The following PPP1R12B variants were observed in gnomAD, a reference collection of about 807,000 sequenced individuals.
The protein encoded by PPP1R12B is protein phosphatase 1 regulatory subunit 12B.
A neutral mutation model predicts 126.1 loss-of-function variants in PPP1R12B; 76 were observed. The ratio of observed to expected loss-of-function variants is 0.60; its 90% CI spans 0.50 to 0.73. PPP1R12B has a LOEUF of 0.73. Among genes scored for constraint, PPP1R12B ranks in the 30% least tolerant of loss-of-function variants. The probability of loss-of-function intolerance (pLI) is 0.00; values close to 1 mark genes in which losing one functional copy is unlikely to be tolerated. For synonymous variants in PPP1R12B, 356 were observed against 434.7 expected, an observed-to-expected ratio of 0.82 and a Z score of 2.25; for missense variants, 1,052 against 1,205.1, an observed-to-expected ratio of 0.87 and a Z score of 1.88.
At chr1:202,414,384 A>G (rs1459729686) in intron 1 of PPP1R12B, among the ~76,000 whole-genome samples, 1 of 152,254 alleles carries the variant, frequency 6.6e-6, no homozygotes, top group Non-Finnish European at 1.5e-5. Context: ...CTTTTACTTC[A>G]TGTGTGATTT....
At chr1:202,554,433 C>G (rs1686669445) in intron 18 of PPP1R12B, among the ~76,000 whole-genome samples, 1 of 152,086 alleles carries the variant, frequency 6.6e-6, no homozygotes, top group African/African-American at 2.4e-5. Context: ...GCATCCAAAG[C>G]TCACTAATCT....
chr1:202,370,889 T>C (rs1660111163), intron 1 of PPP1R12B, among the ~76,000 whole-genome samples: 1 of 152,182 alleles, frequency 6.6e-6, no homozygotes, highest in Non-Finnish European at 1.5e-5. Context: ...CTGATGTGGT[T>C]GTACCATTTT....
At chr1:202,553,961 G>A (rs761424310) in intron 18 of PPP1R12B, among the ~76,000 whole-genome samples, 7 of 152,226 alleles carry the variant, frequency 4.6e-5, no homozygotes, top group Non-Finnish European at 8.8e-5. Context: ...GAATGAAGTC[G>A]TGTTAGTCTA....
intron 1 of PPP1R12B, among the ~76,000 whole-genome samples, chr1:202,377,537 A>C (rs1481789371): frequency 1.3e-5 from 2 of 151,476 alleles, no homozygotes; most frequent in Admixed American, 6.6e-5. Flanking sequence ...ATCTCCCGAC[A>C]CCATGATCCG....
chr1:202,442,268 G>A (rs1053018302), intron 11 of PPP1R12B, among the ~76,000 whole-genome samples, 179 bp from the exon 12 acceptor site: 1 of 152,222 alleles, frequency 6.6e-6, no homozygotes, highest in Non-Finnish European at 1.5e-5. Flanking sequence ...ATAAAAGAAA[G>A]CAGGCAGTAA....
rs371337202 is a variant in PPP1R12B at position 202,349,096 on chromosome 1, C to T, written c.245C>T (p.Ala82Val). 2 of 1,614,120 alleles carry T rather than the reference C, an allele frequency of 1.2e-6. No homozygotes were observed. The highest frequency in any genetic ancestry group is 1.7e-6 in the Non-Finnish European group (2 of 1,180,044). Residue 82 changes from alanine (A) to valine (V), a missense_variant, in exon 1 of 24, where the codon GCT (alanine) becomes GTT (valine). Ala to Val is a moderately conservative substitution (Grantham distance 64). Coordinates refer to ENST00000608999, the MANE Select transcript of PPP1R12B (RefSeq NM_002481.4). The part of the protein sequence containing the change: ...DEVRKLLARG[A>V]DINTVNVDGL... ...GTGAGAAAGCTTCTGGCAAGAGGTG[C>T]TGATATCAACACGGTCAACGTGGAC...
chr1:202,425,496 A>C, intron 3 of PPP1R12B, 70 bp from the exon 4 acceptor site: 1 of 1,504,546 alleles, frequency 6.6e-7, no homozygotes, highest in Admixed American at 1.8e-5. Context: ...GCTTTAATCT[A>C]AGGAAAATAT....
intron 5 of PPP1R12B, among the ~76,000 whole-genome samples, chr1:202,427,667 C>T (rs1669708741): frequency 6.6e-6 from 1 of 152,140 alleles, no homozygotes; most frequent in African/African-American, 2.4e-5. Context: ...ATTTTTGAGA[C>T]AGAGTCTCGC....
At chr1:202,487,504 A>G (rs1033549207) in intron 13 of PPP1R12B, among the ~76,000 whole-genome samples, 2 of 152,244 alleles carry the variant, frequency 1.3e-5, no homozygotes, top group Non-Finnish European at 2.9e-5. Flanking sequence ...AGGATAGGAA[A>G]GAAGAAATAA....
rs563079889 is a variant in PPP1R12B, at chr1:202,349,114, A to C, written c.263A>C (p.Asn88Thr). 18 of 1,614,074 alleles carry C rather than the reference A, an allele frequency of 1.1e-5. No homozygotes were observed. The East Asian group carries it at 3.8e-4, about 34-fold the overall frequency. The change falls in exon 1 of 24, where the codon AAC (asparagine) becomes ACC (threonine). Residue 88 changes from asparagine to threonine, a missense_variant. Coordinates refer to ENST00000608999, the MANE Select transcript of PPP1R12B (RefSeq NM_002481.4). ...AGAGGTGCTGATATCAACACGGTCA[A>C]CGTGGACGGCTTGACAGCCCTGCAC... is the stretch of plus-strand genomic sequence containing the variant. ...LARGADINTVNVDGLTALHQA... is the reference protein window; with the variant it reads ...LARGADINTVTVDGLTALHQA...
intron 2 of PPP1R12B, among the ~76,000 whole-genome samples, chr1:202,417,783 A>G (rs2148621027): frequency 6.6e-6 from 1 of 152,328 alleles, no homozygotes; most frequent in South Asian, 2.1e-4. Flanking sequence ...TTAGAGCTCC[A>G]TTACATTTCT....
intron 7 of PPP1R12B, 41 bp from the exon 8 acceptor site, chr1:202,431,439 A>G (rs544446235): frequency 1.3e-6 from 2 of 1,526,466 alleles, no homozygotes; most frequent in South Asian, 1.3e-5. Flanking sequence ...ATACCTGATT[A>G]TCATTTCTGA....
In PPP1R12B at chr1:202,569,173, G is replaced by A. The variant is rs1406405646; in HGVS notation, c.2838G>A (p.Met946Ile). The stretch of plus-strand genomic sequence containing the variant: ...AGAGGCGAGCCTTGGAGCGCAAAAT[G>A]TCAGAAATGGAGGAAGAAATGAAGG... ...KRERRALERKMSEMEEEMKVL... is the reference protein window; with the variant it reads ...KRERRALERKISEMEEEMKVL... The change falls in exon 23 of 24, where the codon ATG (methionine) becomes ATA (isoleucine). Residue 946 changes from methionine to isoleucine, a missense_variant. Transcript: ENST00000608999. 4.3e-6 allele frequency: 7 copies of A among 1,613,656 alleles called. No individual in the cohort carries two copies. The South Asian group carries it at 5.5e-5, about 13-fold the overall frequency.
intron 13 of PPP1R12B, among the ~76,000 whole-genome samples, chr1:202,475,258 A>C (rs705737): frequency 1 from 152,189 of 152,324 alleles, 76,027 homozygotes; most frequent in Middle Eastern, 1. Flanking sequence ...GTAGAGTCAA[A>C]TGCATCCTCC....
At chr1:202,446,182 CAT>C (rs1184690928) in intron 12 of PPP1R12B, among the ~76,000 whole-genome samples, 4 of 145,174 alleles carry the variant, frequency 2.8e-5, no homozygotes, top group Non-Finnish European at 6.0e-5. Flanking sequence ...AAGAAACAAA[CAT>C]AGAGAGGTTA....
chr1:202,510,297 C>G (rs1681296101), intron 18 of PPP1R12B, among the ~76,000 whole-genome samples: 1 of 152,144 alleles, frequency 6.6e-6, no homozygotes, highest in Admixed American at 6.6e-5. Context: ...TCCTTCAAAC[C>G]TGTCAGTAGC....
chr1:202,487,344 C>A (rs1467591143), intron 13 of PPP1R12B, among the ~76,000 whole-genome samples: 3 of 152,252 alleles, frequency 2.0e-5, no homozygotes, highest in African/African-American at 7.2e-5. Context: ...AATCTTACAA[C>A]AAACATTACA....
chr1:202,447,355 A>G (rs964856665), intron 12 of PPP1R12B, among the ~76,000 whole-genome samples: 2 of 152,206 alleles, frequency 1.3e-5, no homozygotes, highest in African/African-American at 4.8e-5. Context: ...GTACATTTCA[A>G]AGCTCTTACC....
At chr1:202,417,380 T>A (rs952007338) in intron 2 of PPP1R12B, 2 of 985,308 alleles carry the variant, frequency 2.0e-6, no homozygotes, top group Admixed American at 1.2e-4. Flanking sequence ...AGAATGAGCC[T>A]AAACATGTGG....
Sources: allele counts gnomAD v4.1 joint callset (sites outside exome capture counted in the v4.1 genomes callset), GRCh38; gene constraint gnomAD v4.1.1; transcripts MANE v1.5; gene names NCBI Gene and HGNC (gene_info 2026-07-23, HGNC 2026-07-21).